PTK2B: variants seen among roughly 807,000 people sequenced by gnomAD.
PTK2B encodes the protein protein tyrosine kinase 2 beta, also known as protein-tyrosine kinase 2-beta.
In PTK2B, 71 loss-of-function variants were observed where a neutral mutation model predicts 142.9. That is an observed-to-expected ratio of 0.50 (90% CI 0.41 to 0.61). PTK2B has a LOEUF of 0.61. PTK2B is among the 20% of genes least tolerant of loss of function. The pLI is 0.00. For missense variants in PTK2B, 1,105 were observed against 1,320.4 expected (o/e 0.84, Z 2.53); for synonymous variants, 519 against 503.4 (o/e 1.03, Z -0.42).
chr8:27,422,492 G>A, intron 5 of PTK2B, 109 bp downstream of exon 5: 1 of 1,057,028 alleles, frequency 9.5e-7, no homozygotes, highest in Non-Finnish European at 1.3e-6. Context: ...GTGGGAGCCA[G>A]GAAGGGGAGA....
intron 1 of PTK2B, among the ~76,000 whole-genome samples, chr8:27,362,987 C>T (rs572819416): frequency 1.3e-5 from 2 of 152,368 alleles, no homozygotes; most frequent in East Asian, 1.9e-4. Flanking sequence ...GGGATACCCT[C>T]ATGGCCAGAG....
In PTK2B at chr8:27,451,082, A is replaced by T. The variant is rs1002649741; in HGVS notation, c.2523+4A>T. The T allele has an allele frequency of 6.2e-7, 1 of 1,611,934 alleles. No individual in the cohort carries two copies. The highest frequency in any genetic ancestry group is 8.5e-7 in the Non-Finnish European group (1 of 1,178,186). ...TATGAATGATAAGTCCCCATTGGTG[A>T]GTTGCCAGGAGAGGCCGCCTCCTCC... is the stretch of plus-strand genomic sequence containing the variant. On this transcript the variant is annotated splice_donor_region_variant and intron_variant, in intron 26 of 30. Transcript: ENST00000346049.
intron 2 of PTK2B, among the ~76,000 whole-genome samples, chr8:27,407,382 G>A (rs1808785470): frequency 6.6e-6 from 1 of 152,134 alleles, no homozygotes; most frequent in African/African-American, 2.4e-5. Flanking sequence ...CTTGCTTGAA[G>A]CAGAAGGAAG....
At chr8:27,318,423 G>C (rs1276823637) in intron 3 of PTK2B, among the ~76,000 whole-genome samples, 10 of 152,138 alleles carry the variant, frequency 6.6e-5, no homozygotes, top group African/African-American at 2.4e-4. Context: ...GGGGGTTAGG[G>C]GTTCAGAGCC....
chr8:27,406,751 C>T (rs1808737843), intron 2 of PTK2B, among the ~76,000 whole-genome samples: 1 of 152,108 alleles, frequency 6.6e-6, no homozygotes, highest in Non-Finnish European at 1.5e-5. Context: ...CCAGTGGTAC[C>T]CTGTTGAGAT....
At chr8:27,439,956 A>G (rs181511207) in intron 20 of PTK2B, among the ~76,000 whole-genome samples, 299 of 152,246 alleles carry the variant, frequency 2.0e-3, no homozygotes, top group African/African-American at 7.0e-3. Context: ...TCCTAAGAGA[A>G]GACACTTGTG....
intron 1 of PTK2B, among the ~76,000 whole-genome samples, chr8:27,387,071 T>C (rs1807409434): frequency 6.6e-6 from 1 of 152,176 alleles, no homozygotes; most frequent in Admixed American, 6.5e-5. Flanking sequence ...AGCAGGTTCA[T>C]CTGGGCTGTA....
intron 2 of PTK2B, among the ~76,000 whole-genome samples, chr8:27,417,566 T>C (rs1014830486): frequency 1.3e-5 from 2 of 152,178 alleles, no homozygotes; most frequent in African/African-American, 2.4e-5. Flanking sequence ...CTTCAATTTA[T>C]GCATTTTAAT....
At chr8:27,336,315 G>A (rs542085045) in intron 1 of PTK2B, among the ~76,000 whole-genome samples, 8 of 152,258 alleles carry the variant, frequency 5.3e-5, no homozygotes, top group East Asian at 3.9e-4. Context: ...ATTATCATCC[G>A]TTCTACAAAC....
intron 3 of PTK2B, among the ~76,000 whole-genome samples, chr8:27,319,341 G>A (rs1014149941): frequency 1.4e-5 from 2 of 142,140 alleles, no homozygotes; most frequent in Admixed American, 7.2e-5. Context: ...TCAGGAACCC[G>A]TTTTAAAAAG....
At chr8:27,398,569 T>C (rs1780961910) in intron 2 of PTK2B, among the ~76,000 whole-genome samples, 1 of 152,256 alleles carries the variant, frequency 6.6e-6, no homozygotes, top group Non-Finnish European at 1.5e-5. Context: ...CATGAGTAGA[T>C]ACACTGAGGA....
intron 1 of PTK2B, among the ~76,000 whole-genome samples, chr8:27,357,480 A>G (rs1390594515): frequency 6.6e-6 from 1 of 152,222 alleles, no homozygotes; most frequent in Non-Finnish European, 1.5e-5. Context: ...ATTTTCTTGC[A>G]AATCTCCAGT....
In PTK2B at chr8:27,410,328, A is replaced by G. The variant is rs181452184; in HGVS notation, c.205-9567A>G. On this transcript the variant is annotated intron_variant, in intron 2 of 30. Coordinates refer to ENST00000346049, the MANE Select transcript of PTK2B (RefSeq NM_173176.3). Reference sequence around the variant, plus strand: ...TTGGGCTGCGATGCAGCCACAGCAAAGGCCTCAGCCCATTCCACTGGAGCC... The same window carrying G: ...TTGGGCTGCGATGCAGCCACAGCAAGGGCCTCAGCCCATTCCACTGGAGCC... 1.7e-3 allele frequency among the ~76,000 whole-genome samples: 252 copies of G among 145,254 alleles called. 3 individuals carry two copies. Among genetic ancestry groups the G allele is most frequent in the Admixed American group, 5.2e-3 (75 of 14,532 alleles).
chr8:27,434,126 C>G lies in PTK2B; in HGVS notation c.1139C>G (p.Pro380Arg). Reference protein sequence around the residue: ...GEKRNSLPQIPMLNLEARRSH... With the variant: ...GEKRNSLPQIRMLNLEARRSH... ...AAGCGGAACAGCCTGCCCCAGATCCCCATGCTGTGAGTACAATGGGGTGCA... is the reference window on the plus strand; with the variant it reads ...AAGCGGAACAGCCTGCCCCAGATCCGCATGCTGTGAGTACAATGGGGTGCA... The change falls in exon 12 of 31, where the codon CCC (proline) becomes CGC (arginine). Residue 380 changes from proline to arginine, a missense_variant. Physicochemically the swap from Pro to Arg is moderately radical, Grantham distance 103. Transcript: ENST00000346049. 6.2e-7 allele frequency: 1 copy of G among 1,614,048 alleles called. No homozygotes were observed. Among genetic ancestry groups the G allele is most frequent in the Non-Finnish European group, 8.5e-7 (1 of 1,179,928 alleles).
At chr8:27,385,088 G>T (rs562000229) in intron 1 of PTK2B, among the ~76,000 whole-genome samples, 2 of 152,178 alleles carry the variant, frequency 1.3e-5, no homozygotes, top group Admixed American at 1.3e-4. Flanking sequence ...GTGGCCTTTG[G>T]GAAGTTACTC....
chr8:27,436,944 A>G (rs1465221495), intron 15 of PTK2B, among the ~76,000 whole-genome samples, 178 bp from the exon 16 acceptor site: 1 of 152,146 alleles, frequency 6.6e-6, no homozygotes, highest in Non-Finnish European at 1.5e-5. Flanking sequence ...ACCCTGATCA[A>G]GAAGAAGGGG....
intron 1 of PTK2B, among the ~76,000 whole-genome samples, chr8:27,357,648 G>C (rs1424107415): frequency 1.3e-5 from 2 of 152,208 alleles, no homozygotes; most frequent in Admixed American, 1.3e-4. Context: ...AATGGGTCAG[G>C]TTAGAGAGAG....
intron 22 of PTK2B, 92 bp from the exon 23 acceptor site, chr8:27,444,114 C>A: frequency 1.5e-6 from 2 of 1,325,400 alleles, no homozygotes; most frequent in Non-Finnish European, 2.2e-6. Context: ...TTGGAACAAG[C>A]CTGAGGTGTC....
chr8:27,458,137 A>G (rs1460247036), intron 30 of PTK2B, among the ~76,000 whole-genome samples, 157 bp from the exon 31 acceptor site: 1 of 152,134 alleles, frequency 6.6e-6, no homozygotes, highest in Non-Finnish European at 1.5e-5. Flanking sequence ...TCGACCCTGC[A>G]CGGGGTGTTG....
Sources: gnomAD v4.1 joint callset for allele counts (sites outside exome capture counted in the v4.1 genomes callset) on GRCh38, gnomAD v4.1.1 for gene constraint, MANE v1.5 for transcripts, NCBI Gene and HGNC (gene_info 2026-07-23, HGNC 2026-07-21) for gene names.